The following FAAH2 variants were observed in gnomAD, a reference collection of about 807,000 sequenced individuals.
FAAH2 encodes the protein fatty acid amide hydrolase 2, also known as fatty-acid amide hydrolase 2.
In FAAH2, 60 loss-of-function variants were observed where a neutral mutation model predicts 36.9. The observed-to-expected ratio is 1.63, with a 90% confidence interval of 1.32 to 2.02. The LOEUF is 2.02. FAAH2 is among the 30% of genes most tolerant of loss of function. The pLI, the probability that FAAH2 is intolerant of heterozygous loss-of-function variation, is 0.00. For synonymous variants in FAAH2, 214 were observed against 143.8 expected, an observed-to-expected ratio of 1.49 and a Z score of -3.49; for missense variants, 689 against 397.5, an observed-to-expected ratio of 1.73 and a Z score of -6.23.
intron 5 of FAAH2, among the ~76,000 whole-genome samples, chrX:57,345,368 G>A (rs2053794983): frequency 9.1e-6 from 1 of 110,424 alleles, no homozygotes; most frequent in African/African-American, 3.3e-5. Flanking sequence ...ATCTTCAGAG[G>A]TTGTGTGTTT....
chrX:57,344,177 T>C (rs1314606227), intron 5 of FAAH2, among the ~76,000 whole-genome samples: 1 of 110,365 alleles, frequency 9.1e-6, no homozygotes, highest in Non-Finnish European at 1.9e-5. Flanking sequence ...AGGGATAACA[T>C]TGAATATGTA....
At chrX:57,382,097 G>C (rs1460048671) in intron 7 of FAAH2, among the ~76,000 whole-genome samples, 1 of 110,940 alleles carries the variant, frequency 9.0e-6, no homozygotes, top group Non-Finnish European at 1.9e-5. Flanking sequence ...ACGAAATGAA[G>C]GCAGAAAAAA....
chrX:57,232,772 A>G, the FAAH2 span, among the ~76,000 whole-genome samples: 1 of 112,201 alleles, frequency 8.9e-6, no homozygotes, highest in Non-Finnish European at 1.9e-5. Flanking sequence ...ATTGGCATGC[A>G]TGTAGTCCGT....
At chrX:57,310,216 A>G (rs755314886) in intron 2 of FAAH2, among the ~76,000 whole-genome samples, 1 of 112,205 alleles carries the variant, frequency 8.9e-6, no homozygotes, top group East Asian at 2.8e-4. Flanking sequence ...TTGGCTGCAT[A>G]AATGACTTCT....
At chrX:57,216,963 G>A in the FAAH2 span, among the ~76,000 whole-genome samples, 2 of 109,394 alleles carry the variant, frequency 1.8e-5, no homozygotes, top group Admixed American at 2.0e-4. Context: ...TTTTATTATG[G>A]CCATTCTTTC....
intron 7 of FAAH2, among the ~76,000 whole-genome samples, chrX:57,421,480 T>C (rs1351360479): frequency 5.4e-5 from 6 of 111,553 alleles, no homozygotes; most frequent in Non-Finnish European, 1.1e-4. Context: ...GAATCTGATA[T>C]CACGGTGCCA....
intron 10 of FAAH2, among the ~76,000 whole-genome samples, chrX:57,470,534 A>C (rs1045428769): frequency 7.2e-5 from 8 of 111,306 alleles, no homozygotes; most frequent in African/African-American, 2.6e-4. Flanking sequence ...TACACCCCCT[A>C]AGACTAAACC....
At chrX:57,202,185 C>T in the FAAH2 span, among the ~76,000 whole-genome samples, 1 of 111,904 alleles carries the variant, frequency 8.9e-6, no homozygotes, top group African/African-American at 3.2e-5. Flanking sequence ...CTTGGATGCT[C>T]TTGATACTTG....
At chrX:57,215,226 A>C in the FAAH2 span, among the ~76,000 whole-genome samples, 1 of 111,663 alleles carries the variant, frequency 9.0e-6, no homozygotes, top group Non-Finnish European at 1.9e-5. Flanking sequence ...CCTCCACATC[A>C]CTGATCATTA....
intron 7 of FAAH2, among the ~76,000 whole-genome samples, chrX:57,383,303 A>G (rs1265944506): frequency 1.8e-5 from 2 of 112,092 alleles, no homozygotes; most frequent in Admixed American, 9.4e-5. Flanking sequence ...CCTATGCAAC[A>G]TAGTGTTGGA....
At chrX:57,393,549 A>G in intron 7 of FAAH2, 1 of 965,008 alleles carries the variant, frequency 1.0e-6, no homozygotes, top group Non-Finnish European at 1.5e-6. Context: ...GCATGGACAA[A>G]CACTGGAGTG....
chrX:57,334,041 A>C (rs2053477878), intron 4 of FAAH2, among the ~76,000 whole-genome samples: 1 of 111,049 alleles, frequency 9.0e-6, no homozygotes, highest in South Asian at 3.9e-4. Flanking sequence ...AGGCCAAGGC[A>C]GTTGGGTCAC....
the FAAH2 span, among the ~76,000 whole-genome samples, chrX:57,257,552 G>T: frequency 1.8e-5 from 2 of 109,736 alleles, no homozygotes; most frequent in African/African-American, 6.7e-5. Flanking sequence ...GGGGGGTGGG[G>T]GTCTAGGGGA....
chrX:57,201,917 A>T, the FAAH2 span, among the ~76,000 whole-genome samples: 2 of 111,260 alleles, frequency 1.8e-5, no homozygotes, highest in African/African-American at 6.5e-5. Context: ...TAATTCTGTT[A>T]TTAAAAGACT....
chrX:57,310,503 C>A, intron 2 of FAAH2, 90 bp from the exon 3 acceptor site: 3 of 980,954 alleles, frequency 3.1e-6, no homozygotes, highest in Non-Finnish European at 4.1e-6. Flanking sequence ...ATGTTGATTA[C>A]ATATTAACAT....
chrX:57,420,890 G>A (rs942953203), intron 7 of FAAH2, among the ~76,000 whole-genome samples: 3 of 111,657 alleles, frequency 2.7e-5, no homozygotes, highest in Non-Finnish European at 3.8e-5. Context: ...TTTGAGATAC[G>A]TCCCATCAGT....
At chrX:57,268,533 C>T in the FAAH2 span, among the ~76,000 whole-genome samples, 1 of 110,714 alleles carries the variant, frequency 9.0e-6, no homozygotes, top group Non-Finnish European at 1.9e-5. Context: ...AAAGACCATC[C>T]CCAAGACACA....
intron 3 of FAAH2, among the ~76,000 whole-genome samples, chrX:57,328,729 G>A (rs1179214719): frequency 9.0e-6 from 1 of 111,518 alleles, no homozygotes; most frequent in Non-Finnish European, 1.9e-5. Flanking sequence ...TTGGGTGAGA[G>A]TTTTTCTTTT....
intron 3 of FAAH2, among the ~76,000 whole-genome samples, chrX:57,321,933 C>A (rs1182637581): frequency 1.8e-5 from 2 of 112,073 alleles, no homozygotes; most frequent in African/African-American, 6.5e-5. Flanking sequence ...TCTTATAAGG[C>A]ACATCTGGTG....
Sources: gnomAD v4.1 joint callset for allele counts (sites outside exome capture counted in the v4.1 genomes callset) on GRCh38, gnomAD v4.1.1 for gene constraint, MANE v1.5 for transcripts, NCBI Gene and HGNC (gene_info 2026-07-23, HGNC 2026-07-21) for gene names.